MLLT10: variants seen among roughly 807,000 people sequenced by gnomAD.
The protein encoded by MLLT10 is protein AF-10.
In MLLT10, 30 loss-of-function variants were observed where a neutral mutation model predicts 129.1. That is an observed-to-expected ratio of 0.23 (90% CI 0.17 to 0.32). The LOEUF is 0.32. Ranked by LOEUF, MLLT10 falls within the 10% of genes least tolerant of loss-of-function variation. The pLI is 1.00. For missense variants in MLLT10, 1,119 were observed against 1,268.3 expected, an observed-to-expected ratio of 0.88 and a Z score of 1.79; for synonymous variants, 490 against 446.4, an observed-to-expected ratio of 1.10 and a Z score of -1.23.
intron 11 of MLLT10, among the ~76,000 whole-genome samples, chr10:21,680,713 G>A (rs1004851148): frequency 2.6e-5 from 4 of 151,902 alleles, no homozygotes; most frequent in South Asian, 2.1e-4. Context: ...GGCTCACGTC[G>A]GTAATCCCAG....
chr10:21,617,937 C>T (rs1196818472), intron 8 of MLLT10, among the ~76,000 whole-genome samples: 3 of 151,890 alleles, frequency 2.0e-5, no homozygotes, highest in Admixed American at 6.6e-5. Context: ...GCGAGAGGAT[C>T]GTTTGAGTGG....
chr10:21,717,740 C>CTCT (rs1480284315), intron 14 of MLLT10, among the ~76,000 whole-genome samples: 12 of 132,202 alleles, frequency 9.1e-5, no homozygotes, highest in African/African-American at 3.2e-4. Flanking sequence ...CCTCCTCTTC[C>CTCT]TCCTCCTCTT....
chr10:21,642,083 G>A (rs537391283), intron 8 of MLLT10, among the ~76,000 whole-genome samples: 48 of 152,358 alleles, frequency 3.2e-4, no homozygotes, highest in Admixed American at 1.1e-3. Context: ...TGGTGCAGTG[G>A]CTCACGCCTG....
intron 13 of MLLT10, among the ~76,000 whole-genome samples, chr10:21,685,119 T>A (rs2053170716): frequency 6.6e-6 from 1 of 152,192 alleles, no homozygotes; most frequent in Non-Finnish European, 1.5e-5. Context: ...TTTTTTTTGT[T>A]TTTGTGAAAT....
chr10:21,743,225 T>TA lies in MLLT10; in HGVS notation c.*1243dup. On this transcript the variant is annotated 3_prime_UTR_variant, in exon 23 of 23. Transcript: ENST00000307729. The stretch of plus-strand genomic sequence containing the variant: ...TGTAATTAGACCTCCACTGTGTACT[T>TA]AGCTGGAAGAACATGTTAATTCTGC... 4.4e-6 allele frequency: 1 copy of TA among 228,394 alleles called. No individual in the cohort carries two copies. Among genetic ancestry groups the TA allele is most frequent in the East Asian group, 6.3e-5 (1 of 15,802 alleles). The allele number at this position is 228,394 out of a possible 1,614,324, so 14.1% of individuals were successfully genotyped here.
intron 21 of MLLT10, among the ~76,000 whole-genome samples, chr10:21,735,501 C>A (rs898414407): frequency 6.6e-6 from 1 of 152,114 alleles, no homozygotes; most frequent in Non-Finnish European, 1.5e-5. Flanking sequence ...CCCGGAGCTT[C>A]ATTTTGATAC....
chr10:21,726,425 T>G, intron 15 of MLLT10, 70 bp downstream of exon 15: 1 of 1,093,170 alleles, frequency 9.1e-7, no homozygotes, highest in Admixed American at 2.0e-5. Context: ...CCCTTTTGGT[T>G]CATTTTATTT....
intron 9 of MLLT10, among the ~76,000 whole-genome samples, chr10:21,660,429 A>G (rs2050061164): frequency 6.6e-6 from 1 of 151,508 alleles, no homozygotes; most frequent in Non-Finnish European, 1.5e-5. Flanking sequence ...CAGCCTGGCC[A>G]ACATGGAGAA....
At chr10:21,539,519 A>C (rs2034711163) in intron 3 of MLLT10, among the ~76,000 whole-genome samples, 2 of 151,588 alleles carry the variant, frequency 1.3e-5, no homozygotes, top group Admixed American at 6.6e-5. Context: ...CACACCTGTA[A>C]TCCCAGCACT....
intron 3 of MLLT10, among the ~76,000 whole-genome samples, chr10:21,545,414 G>A (rs976629358): frequency 2.6e-5 from 4 of 152,020 alleles, no homozygotes; most frequent in African/African-American, 9.7e-5. Context: ...TGCCAGGAAC[G>A]CTGAAGGACT....
At chr10:21,685,271 A>G (rs1266551621) in intron 13 of MLLT10, among the ~76,000 whole-genome samples, 1 of 152,238 alleles carries the variant, frequency 6.6e-6, no homozygotes, top group East Asian at 1.9e-4. Flanking sequence ...TTATAAAACT[A>G]AAATTTATTA....
At chr10:21,627,783 C>G (rs1405535082) in intron 8 of MLLT10, among the ~76,000 whole-genome samples, 4 of 151,218 alleles carry the variant, frequency 2.6e-5, no homozygotes, top group Non-Finnish European at 5.9e-5. Context: ...AGTCTTGGCT[C>G]TTTTTTTTTG....
intron 8 of MLLT10, among the ~76,000 whole-genome samples, chr10:21,621,787 C>A (rs185485437): frequency 2.0e-5 from 3 of 152,290 alleles, no homozygotes; most frequent in Non-Finnish European, 4.4e-5. Context: ...GAATGTGGGT[C>A]CCTCTTCTGT....
intron 8 of MLLT10, among the ~76,000 whole-genome samples, chr10:21,632,068 G>C (rs1289671470): frequency 6.6e-6 from 1 of 151,948 alleles, no homozygotes; most frequent in Non-Finnish European, 1.5e-5. Context: ...GTATTTGGGA[G>C]AATAAATTTT....
At chr10:21,654,421 T>C (rs1278346978) in intron 9 of MLLT10, among the ~76,000 whole-genome samples, 1 of 152,194 alleles carries the variant, frequency 6.6e-6, no homozygotes, top group African/African-American at 2.4e-5. Context: ...GGGATGGGAT[T>C]TTGGGGAAAA....
chr10:21,645,626 A>T (rs907578603), intron 8 of MLLT10, among the ~76,000 whole-genome samples: 3 of 152,158 alleles, frequency 2.0e-5, no homozygotes, highest in Non-Finnish European at 2.9e-5. Context: ...ATGTTAGCAA[A>T]TCTTTTTAAT....
At chr10:21,556,859 T>G (rs1344967623) in intron 3 of MLLT10, 23 of 1,551,410 alleles carry the variant, frequency 1.5e-5, no homozygotes, top group Non-Finnish European at 2.0e-5. Flanking sequence ...CTTTCTAGTT[T>G]CCAGGGATAT....
rs13377066 is a variant in MLLT10 at position 21,638,646 on chromosome 10, C to G, written c.700-13027C>G. ...TGCTTGAGCCCAGGAGCGTGAGACCCCATCACTATTTAAAAAAATAAATCG... is the reference window on the plus strand; with the variant it reads ...TGCTTGAGCCCAGGAGCGTGAGACCGCATCACTATTTAAAAAAATAAATCG... On this transcript the variant is annotated intron_variant, in intron 8 of 22. Coordinates refer to ENST00000307729, the MANE Select transcript of MLLT10 (RefSeq NM_001195626.3). Among the ~76,000 whole-genome samples the G allele has an allele frequency of 8.9e-3, 1,348 of 152,166 alleles. 30 individuals carry two copies. The highest frequency in any genetic ancestry group is 0.03 in the African/African-American group (1,262 of 41,510).
At chr10:21,635,266 T>TA (rs2047351442) in intron 8 of MLLT10, among the ~76,000 whole-genome samples, 1 of 152,246 alleles carries the variant, frequency 6.6e-6, no homozygotes, top group African/African-American at 2.4e-5. Context: ...GTGGGCCTTG[T>TA]AACTCTTTTC....
Sources: allele counts gnomAD v4.1 joint callset (sites outside exome capture counted in the v4.1 genomes callset), GRCh38; gene constraint gnomAD v4.1.1; transcripts MANE v1.5; gene names NCBI Gene and HGNC (gene_info 2026-07-23, HGNC 2026-07-21).